The following FAM83G variants were observed in gnomAD, a reference collection of about 807,000 sequenced individuals.
FAM83G encodes the protein scaffolding CK1 anchoring protein G, also known as protein FAM83G.
Under a neutral mutation model 61.5 loss-of-function variants are expected in FAM83G, and 38 were observed. The ratio of observed to expected loss-of-function variants is 0.62; its 90% CI spans 0.48 to 0.81. The LOEUF (loss-of-function observed/expected upper bound fraction) is 0.81, where lower values mean the gene tolerates loss of function less well. Ranked by LOEUF, FAM83G falls within the 30% of genes least tolerant of loss-of-function variation. The pLI is 0.00. For missense variants in FAM83G, 989 were observed against 1,133.6 expected, an observed-to-expected ratio of 0.87 and a Z score of 1.83; for synonymous variants, 470 against 476.1, an observed-to-expected ratio of 0.99 and a Z score of 0.17.
chr17:18,971,143 C>T lies in FAM83G; in HGVS notation c.*216G>A, dbSNP rs2042832312. On this transcript the variant is annotated 3_prime_UTR_variant, in exon 6 of 6. Transcript: ENST00000388995. The surrounding 1 kb of genome is among the most constrained non-coding windows in gnomAD (Gnocchi z 5.5). Reference sequence around the variant, plus strand: ...CCATGCACATGTTTCGAGACCCCCACACAGGGGACCTGCCGTGGACCGGGA... The same window carrying T: ...CCATGCACATGTTTCGAGACCCCCATACAGGGGACCTGCCGTGGACCGGGA... 1 of 1,614,086 alleles carries T rather than the reference C, an allele frequency of 6.2e-7. No individual in the cohort carries two copies. The highest frequency in any genetic ancestry group is 8.5e-7 in the Non-Finnish European group (1 of 1,180,044).
intron 3 of FAM83G, among the ~76,000 whole-genome samples, chr17:18,983,153 C>T (rs2043181631): frequency 2.6e-5 from 4 of 152,202 alleles, no homozygotes; most frequent in Non-Finnish European, 5.9e-5. Context: ...AGTGACCTGC[C>T]CACTGTCTCC....
intron 2 of FAM83G, among the ~76,000 whole-genome samples, chr17:18,993,800 A>G (rs1301037907): frequency 6.6e-6 from 1 of 152,194 alleles, no homozygotes; most frequent in Non-Finnish European, 1.5e-5. Context: ...CTCCGATCTC[A>G]GCTCCTCCTG....
intron 3 of FAM83G, among the ~76,000 whole-genome samples, chr17:18,987,563 G>C (rs2043302670): frequency 6.6e-6 from 1 of 152,208 alleles, no homozygotes; most frequent in African/African-American, 2.4e-5. Flanking sequence ...GTAGCCCAGA[G>C]AAGGGAGGTG....
chr17:18,981,674 C>T (rs576856569), intron 3 of FAM83G, among the ~76,000 whole-genome samples: 19 of 152,278 alleles, frequency 1.2e-4, no homozygotes, highest in Non-Finnish European at 2.2e-4. Context: ...GGGTGAGTCC[C>T]CATCTGATGC....
chr17:18,990,513 C>T (rs922330994), intron 2 of FAM83G, among the ~76,000 whole-genome samples: 1 of 152,224 alleles, frequency 6.6e-6, no homozygotes, highest in Admixed American at 6.5e-5. Context: ...GGGCACCAGG[C>T]CCTGCCTACC....
intron 2 of FAM83G, among the ~76,000 whole-genome samples, chr17:19,001,127 C>T (rs1474144577): frequency 1.3e-5 from 2 of 152,184 alleles, no homozygotes; most frequent in African/African-American, 2.4e-5. Context: ...ATAACACTAG[C>T]TGAGATTATA....
intron 2 of FAM83G, among the ~76,000 whole-genome samples, chr17:19,001,800 C>CG (rs201646917): frequency 0.05 from 7,614 of 152,276 alleles, 274 homozygotes; most frequent in Middle Eastern, 0.085. Context: ...CATCGCTGGG[C>CG]GGGGGATCTG....
rs1042755722 is a variant in FAM83G at position 19,003,404 on chromosome 17, C to G, written c.522+116G>C. On this transcript the variant is annotated intron_variant, in intron 2 of 5. Coordinates refer to ENST00000388995, the MANE Select transcript of FAM83G (RefSeq NM_001039999.3). This position sits in a 1 kb window ranked among gnomAD's most constrained non-coding sequence, Gnocchi z 4.5. ...CCCAAGAGGCAGCCAGGGAAAACAG[C>G]AGAGATCCCTAGAAGCCCATGTTGG... The G allele has an allele frequency of 8.5e-5, 97 of 1,145,142 alleles. No homozygotes were observed. Among genetic ancestry groups the G allele is most frequent in the Non-Finnish European group, 1.1e-4 (94 of 863,298 alleles). 70.9% of individuals were successfully genotyped at this position (1,145,142 alleles called of 1,614,324 possible).
intron 2 of FAM83G, among the ~76,000 whole-genome samples, chr17:18,992,023 C>T (rs1057236291): frequency 2.6e-5 from 4 of 152,140 alleles, no homozygotes; most frequent in Non-Finnish European, 5.9e-5. Context: ...GATGTGGGCA[C>T]TCCTCCAGTG....
intron 3 of FAM83G, chr17:18,986,361 A>C (rs1167228097): frequency 6.6e-6 from 1 of 152,190 alleles, no homozygotes; most frequent in Non-Finnish European, 1.5e-5. Flanking sequence ...GTAGTTGTTT[A>C]TTATTTGCTG....
chr17:18,987,148 C>T (rs913514083), intron 3 of FAM83G, among the ~76,000 whole-genome samples: 4 of 152,212 alleles, frequency 2.6e-5, no homozygotes, highest in Non-Finnish European at 2.9e-5. Flanking sequence ...ACCAGACTGG[C>T]GGTGCCCCTT....
Position 18,971,155 on chromosome 17 carries a change from G to A in FAM83G, c.*204C>T. 6.2e-7 allele frequency: 1 copy of A among 1,614,114 alleles called. No individual in the cohort carries two copies. Among genetic ancestry groups the A allele is most frequent in the Non-Finnish European group, 8.5e-7 (1 of 1,180,048 alleles). ...TTCGAGACCCCCACACAGGGGACCTGCCGTGGACCGGGATGACCTTTGGCC... is the reference window on the plus strand; with the variant it reads ...TTCGAGACCCCCACACAGGGGACCTACCGTGGACCGGGATGACCTTTGGCC... On this transcript the variant is annotated 3_prime_UTR_variant, in exon 6 of 6. Coordinates refer to ENST00000388995, the MANE Select transcript of FAM83G (RefSeq NM_001039999.3). This position sits in a 1 kb window ranked among gnomAD's most constrained non-coding sequence, Gnocchi z 5.5.
Position 18,971,051 on chromosome 17 carries a change from GCCTAC to G in FAM83G, c.*303_*307del. Reference sequence around the variant, plus strand: ...CGGTGGTTACGGGCAGCTGGAGGCAGCCTACGCCCAGGCCATTCCCTCCAGGACCA... The same window carrying G: ...CGGTGGTTACGGGCAGCTGGAGGCAGGCCCAGGCCATTCCCTCCAGGACCA... On this transcript the variant is annotated 3_prime_UTR_variant, in exon 6 of 6. Transcript: ENST00000388995. This position sits in a 1 kb window ranked among gnomAD's most constrained non-coding sequence, Gnocchi z 5.5. 1 of 1,613,988 alleles carries G rather than the reference GCCTAC, an allele frequency of 6.2e-7. No homozygotes were observed. Among genetic ancestry groups the G allele is most frequent in the Non-Finnish European group, 8.5e-7 (1 of 1,180,024 alleles).
chr17:19,001,445 T>A (rs1221161331), intron 2 of FAM83G, among the ~76,000 whole-genome samples: 1 of 152,032 alleles, frequency 6.6e-6, no homozygotes, highest in Non-Finnish European at 1.5e-5. Context: ...GAGTGCCCCA[T>A]CCTGAGGGCT....
At chr17:18,990,443 C>T (rs2043387070) in intron 2 of FAM83G, among the ~76,000 whole-genome samples, 1 of 152,214 alleles carries the variant, frequency 6.6e-6, no homozygotes, top group Non-Finnish European at 1.5e-5. Context: ...GGCAAACAGC[C>T]TCACGTGCCA....
chr17:19,004,765 G>A (rs1319301253), upstream of FAM83G: 1 of 150,178 alleles, frequency 6.7e-6, no homozygotes, highest in African/African-American at 2.4e-5. This position sits in a 1 kb window ranked among gnomAD's most constrained non-coding sequence, Gnocchi z 5.4. Flanking sequence ...GCGGCGCGAG[G>A]CTGGGCGGGG....
chr17:18,983,077 G>C (rs1171343218), intron 3 of FAM83G, among the ~76,000 whole-genome samples: 1 of 152,236 alleles, frequency 6.6e-6, no homozygotes, highest in Non-Finnish European at 1.5e-5. Flanking sequence ...AGGAGGGATG[G>C]ACTGCCCAGG....
At chr17:18,977,464 A>G in intron 5 of FAM83G, 120 bp downstream of exon 5, 1 of 1,018,656 alleles carries the variant, frequency 9.8e-7, no homozygotes, top group Non-Finnish European at 1.4e-6. Flanking sequence ...CCCATCTGTA[A>G]CAAGGGAATT....
chr17:18,981,351 G>C (rs771986731), intron 3 of FAM83G, among the ~76,000 whole-genome samples: 3 of 152,140 alleles, frequency 2.0e-5, no homozygotes, highest in Non-Finnish European at 2.9e-5. Context: ...CCTGCAGAGC[G>C]AGCAGGGGCG....
Sources: allele counts gnomAD v4.1 joint callset (sites outside exome capture counted in the v4.1 genomes callset), GRCh38; gene constraint gnomAD v4.1.1; non-coding constraint Gnocchi (gnomAD v3.1); transcripts MANE v1.5; gene names NCBI Gene and HGNC (gene_info 2026-07-23, HGNC 2026-07-21).